PCDHGB1: variants seen among roughly 807,000 people sequenced by gnomAD.
The protein encoded by PCDHGB1 is protocadherin gamma-B1.
In PCDHGB1, 34 loss-of-function variants were observed where a neutral mutation model predicts 56.6. The ratio of observed to expected loss-of-function variants is 0.60; its 90% confidence interval spans 0.46 to 0.80. The LOEUF is 0.80. Among genes scored for constraint, PCDHGB1 ranks in the 30% least tolerant of loss-of-function variants. The pLI is 0.00. For missense variants in PCDHGB1, 1,278 were observed against 1,204.6 expected (o/e 1.06, Z -0.90); for synonymous variants, 561 against 505.9 (o/e 1.11, Z -1.46).
At chr5:141,479,312 A>G (rs1218187495) in intron 1 of PCDHGB1, 5 of 152,526 alleles carry the variant, frequency 3.3e-5, no homozygotes, top group African/African-American at 9.6e-5. Context: ...GAAAACATAA[A>G]GTAGCCAGAC....
At chr5:141,383,193 G>C (rs911488617) in intron 1 of PCDHGB1, 1 of 1,614,066 alleles carries the variant, frequency 6.2e-7, no homozygotes, top group Non-Finnish European at 8.5e-7. Context: ...TCTGCGCTCA[G>C]AGTGCGCGGT....
chr5:141,444,282 C>T (rs1341316344), intron 1 of PCDHGB1, among the ~76,000 whole-genome samples: 1 of 148,268 alleles, frequency 6.7e-6, no homozygotes, highest in African/African-American at 2.5e-5. Flanking sequence ...AGTGATTCTC[C>T]TGCCTCAGCC....
chr5:141,503,506 G>A (rs2099820313), intron 2 of PCDHGB1, among the ~76,000 whole-genome samples: 1 of 151,616 alleles, frequency 6.6e-6, no homozygotes, highest in African/African-American at 2.4e-5. Context: ...GGCTGAGGCA[G>A]GAGAATCACT....
chr5:141,406,707 T>C (rs1201619018), intron 1 of PCDHGB1, among the ~76,000 whole-genome samples: 1 of 152,228 alleles, frequency 6.6e-6, no homozygotes, highest in Non-Finnish European at 1.5e-5. Flanking sequence ...AGTATATGCT[T>C]GCTCAAGAGA....
chr5:141,394,760 T>C (rs374519404), intron 1 of PCDHGB1: 68 of 1,613,366 alleles, frequency 4.2e-5, no homozygotes, highest in Middle Eastern at 3.3e-4. Flanking sequence ...TCCAGGACCA[T>C]GGCCAGCCCC....
In PCDHGB1 at chr5:141,376,256, C is replaced by T. The variant is rs576537938; in HGVS notation, c.2409+23587C>T. ...GCAGCGCTGGCACAAGTCACGCCTG[C>T]TGCAGGCTTCGGGAGGTGGCTTAGC... On this transcript the variant is annotated intron_variant, in intron 1 of 3. Transcript: ENST00000523390. 8 of 1,614,228 alleles carry T rather than the reference C, an allele frequency of 5.0e-6. No homozygotes were observed. The East Asian group carries it at 1.8e-4, about 36-fold the overall frequency.
chr5:141,376,207 C>T lies in PCDHGB1; in HGVS notation c.2409+23538C>T. On this transcript the variant is annotated intron_variant, in intron 1 of 3. Coordinates refer to ENST00000523390, the MANE Select transcript of PCDHGB1 (RefSeq NM_018922.3). ...TCTCCTGCGTCTTCCTGGCCTTCGT[C>T]ATCGTGCTGCTGGCGCTCAGACTGC... 1.9e-6 allele frequency: 3 copies of T among 1,614,208 alleles called. No homozygotes were observed. The African/African-American group carries it at 4.0e-5, about 22-fold the overall frequency.
chr5:141,372,406 T>C, intron 1 of PCDHGB1: 7 of 1,614,058 alleles, frequency 4.3e-6, no homozygotes, highest in Non-Finnish European at 5.9e-6. Flanking sequence ...TTGCAAGAGA[T>C]ACAACCTGAC....
In PCDHGB1 at chr5:141,372,102, G is replaced by A. The variant is rs200898659; in HGVS notation, c.2409+19433G>A. The stretch of plus-strand genomic sequence containing the variant: ...GGTGCTGTACCCAGCTCTGGGGCCC[G>A]AAGGCTCTGCGCTCTTCGATATGGT... On this transcript the variant is annotated intron_variant, in intron 1 of 3. Coordinates refer to ENST00000523390, the MANE Select transcript of PCDHGB1 (RefSeq NM_018922.3). 5.0e-5 allele frequency: 81 copies of A among 1,613,784 alleles called. No homozygotes were observed. The African/African-American group carries it at 1.0e-3, about 20-fold the overall frequency.
intron 1 of PCDHGB1, chr5:141,409,190 C>T (rs868189970): frequency 6.2e-7 from 1 of 1,613,986 alleles, no homozygotes; most frequent in Non-Finnish European, 8.5e-7. Context: ...TCTCTCTACC[C>T]AGTGTAAAGT....
intron 1 of PCDHGB1, chr5:141,372,285 A>C (rs1588702702): frequency 6.2e-7 from 1 of 1,613,032 alleles, no homozygotes; most frequent in Non-Finnish European, 8.5e-7. Flanking sequence ...CACGGCGCGT[A>C]CCTTGGGCGA....
At chr5:141,361,722 G>A in intron 1 of PCDHGB1, 4 of 1,613,314 alleles carry the variant, frequency 2.5e-6, no homozygotes, top group East Asian at 2.2e-5. Flanking sequence ...GCGCCTTCGA[G>A]CTCACACTGC....
At chr5:141,360,274 G>T (rs1171208146) in intron 1 of PCDHGB1, 9 of 1,613,806 alleles carry the variant, frequency 5.6e-6, no homozygotes, top group Non-Finnish European at 5.9e-6. Context: ...AAACTCGGTC[G>T]TAGGAAACCT....
At position 141,413,202 on chromosome 5, in the gene PCDHGB1, GGAATC is replaced by G. The variant is rs766359797; in HGVS notation, c.2409+60534_2409+60538del. 6.8e-6 allele frequency: 11 copies of G among 1,611,944 alleles called. No homozygotes were observed. The East Asian group carries it at 2.2e-4, about 33-fold the overall frequency. On this transcript the variant is annotated intron_variant, in intron 1 of 3. Coordinates refer to ENST00000523390, the MANE Select transcript of PCDHGB1 (RefSeq NM_018922.3). ...TGGCCGCTCAAAGGAATCGCTCAAAGGAATCAAAGGATTGCAGCGGGCTGGTCCTG... is the reference window on the plus strand; with the variant it reads ...TGGCCGCTCAAAGGAATCGCTCAAAGAAAGGATTGCAGCGGGCTGGTCCTG...
chr5:141,375,639 C>T (rs1364618927), intron 1 of PCDHGB1: 2 of 1,614,126 alleles, frequency 1.2e-6, no homozygotes, highest in Non-Finnish European at 1.7e-6. Flanking sequence ...GCCCTGCGCT[C>T]CTTCGACTAT....
At chr5:141,504,134 A>G (rs73280371) in intron 2 of PCDHGB1, among the ~76,000 whole-genome samples, 139 of 152,168 alleles carry the variant, frequency 9.1e-4, no homozygotes, top group African/African-American at 3.1e-3. Flanking sequence ...TCCCGCCAAC[A>G]CTCCCCTGCA....
intron 1 of PCDHGB1, among the ~76,000 whole-genome samples, chr5:141,445,582 T>C (rs886701142): frequency 6.6e-6 from 1 of 152,214 alleles, no homozygotes; most frequent in Non-Finnish European, 1.5e-5. Context: ...TAGGGAAGCT[T>C]CGCCTAATCT....
chr5:141,363,913 T>C (rs2149851693), intron 1 of PCDHGB1, among the ~76,000 whole-genome samples: 1 of 152,252 alleles, frequency 6.6e-6, no homozygotes, highest in East Asian at 1.9e-4. Context: ...AAATAAAATT[T>C]TTGTAAGGTA....
chr5:141,409,599 C>T (rs753753955), intron 1 of PCDHGB1: 22 of 1,613,822 alleles, frequency 1.4e-5, no homozygotes, highest in Non-Finnish European at 1.8e-5. Flanking sequence ...GAGAACAACC[C>T]GCCAGGAGCC....
Sources: gnomAD v4.1 joint callset for allele counts (sites outside exome capture counted in the v4.1 genomes callset) on GRCh38, gnomAD v4.1.1 for gene constraint, MANE v1.5 for transcripts, NCBI Gene and HGNC (gene_info 2026-07-23, HGNC 2026-07-21) for gene names.